The following ZNF653 variants were observed in gnomAD, a reference collection of about 807,000 sequenced individuals.
ZNF653 encodes 67 kDa zinc finger protein.
In ZNF653, 37 loss-of-function variants were observed where a neutral mutation model predicts 59.9. The ratio of observed to expected loss-of-function variants is 0.62; its 90% CI spans 0.48 to 0.81. The LOEUF (loss-of-function observed/expected upper bound fraction) is 0.81. ZNF653 is among the 40% of genes least tolerant of loss of function. The pLI, the probability that ZNF653 is intolerant of heterozygous loss-of-function variation, is 0.00. For missense variants in ZNF653, 808 were observed against 881.1 expected (o/e 0.92, Z 1.05); for synonymous variants, 435 against 371.8 (o/e 1.17, Z -1.96).
In ZNF653 at chr19:11,495,285, C is replaced by T. The variant is rs567295242; in HGVS notation, c.559+665G>A. 6.6e-6 allele frequency among the ~76,000 whole-genome samples: 1 copy of T among 151,986 alleles called. No homozygotes were observed. The highest frequency in any genetic ancestry group is 2.4e-5 in the African/African-American group (1 of 41,432). ...CCCCGTGGGATGGGAAGGAGAGAGG[C>T]AGGGACCGCGAAGGTGGGGAGGGAG... On this transcript the variant is annotated intron_variant, in intron 3 of 8. Transcript: ENST00000293771. This position sits in a 1 kb window ranked among gnomAD's most constrained non-coding sequence, Gnocchi z 4.9.
At chr19:11,505,358 CG>C in intron 1 of ZNF653, 129 bp downstream of exon 1, 1 of 997,116 alleles carries the variant, frequency 1.0e-6, no homozygotes, top group Non-Finnish European at 1.4e-6. Flanking sequence ...AGACCCAGGC[CG>C]CCGGCCCGGC....
At chr19:11,493,593 A>C (rs1043301700) in intron 3 of ZNF653, among the ~76,000 whole-genome samples, 8 of 152,204 alleles carry the variant, frequency 5.3e-5, no homozygotes, top group African/African-American at 1.9e-4. Context: ...CTCTGGCACC[A>C]TCCAGAAGGA....
At position 11,498,286 on chromosome 19, in the gene ZNF653, C is replaced by T. The variant is rs1415934211; in HGVS notation, c.343+10G>A. On this transcript the variant is annotated intron_variant, in intron 2 of 8. Transcript: ENST00000293771. The stretch of plus-strand genomic sequence containing the variant: ...TCTCCCCACCTCCCCCAGGCTGAGC[C>T]TCCACTTACTTTTCTTCCGCTTTGG... The T allele has an allele frequency of 1.2e-6, 2 of 1,614,022 alleles. No individual in the cohort carries two copies. The highest frequency in any genetic ancestry group is 2.2e-5 in the South Asian group (2 of 91,082).
Position 11,486,770 on chromosome 19 carries a change from T to G in ZNF653, c.1454A>C (p.Gln485Pro). 6.2e-7 allele frequency: 1 copy of G among 1,602,824 alleles called. No homozygotes were observed. The highest frequency in any genetic ancestry group is 8.5e-7 in the Non-Finnish European group (1 of 1,174,954). ...SQVYVALSSF[Q>P]NHVNLVHRKG... ...GGCTGCTCCGGGTGGCGGCCTCACC[T>G]GGAAGCTGCTGAGGGCCACGTAGAC... The change falls in exon 6 of 9, where the codon CAG becomes CCG. Residue 485 changes from glutamine (Q) to proline (P), a missense_variant and splice_region_variant. Gln to Pro is a moderately conservative substitution (Grantham distance 76). Coordinates refer to ENST00000293771, the MANE Select transcript of ZNF653 (RefSeq NM_138783.4).
intron 3 of ZNF653, among the ~76,000 whole-genome samples, chr19:11,491,472 G>A (rs1017042999): frequency 3.3e-5 from 5 of 152,164 alleles, no homozygotes; most frequent in South Asian, 2.1e-4. Context: ...GCTGGAGTGC[G>A]TCTGTTTCAG....
chr19:11,491,509 G>A (rs1446312456), intron 3 of ZNF653, among the ~76,000 whole-genome samples: 1 of 152,102 alleles, frequency 6.6e-6, no homozygotes, highest in African/African-American at 2.4e-5. Context: ...TCCTGTCCTC[G>A]CCTCCTCTCC....
chr19:11,505,527 A>ACC lies in ZNF653; in HGVS notation c.259_260insGG (p.Leu87ArgfsTer35). ...CCGCTGGCCGCGCTCCAGAGAGATGAGGTAGGCGGCGAGCTTGGCGTCGCT... is the reference window on the plus strand; with the variant it reads ...CCGCTGGCCGCGCTCCAGAGAGATGACCGGTAGGCGGCGAGCTTGGCGTCGCT... On this transcript the variant is annotated frameshift_variant, in exon 1 of 9. Transcript: ENST00000293771. LOFTEE classifies it high-confidence loss of function. 6.6e-7 allele frequency: 1 copy of ACC among 1,514,590 alleles called. No individual in the cohort carries two copies. Among genetic ancestry groups the ACC allele is most frequent in the Non-Finnish European group, 8.7e-7 (1 of 1,143,478 alleles). 93.8% of individuals were successfully genotyped at this position (1,514,590 alleles called of 1,614,324 possible).
At position 11,505,674 on chromosome 19, in the gene ZNF653, C is replaced by G. The variant is rs966210990; in HGVS notation, c.113G>C (p.Arg38Pro). 1.5e-5 allele frequency: 23 copies of G among 1,492,442 alleles called. No homozygotes were observed. The highest frequency in any genetic ancestry group is 1.9e-5 in the Non-Finnish European group (22 of 1,129,038). The allele number at this position is 1,492,442 out of a possible 1,614,324, so 92.4% of individuals were successfully genotyped here. ...AAGRKARGRP[R>P]LTESDRARRR... ...CCGGGCCCGGTCCGACTCCGTGAGT[C>G]GCGGCCGGCCCCGCGCCTTTCGGCC... Residue 38 changes from arginine (R) to proline (P), a missense_variant, in exon 1 of 9, where the codon CGA becomes CCA. Coordinates refer to ENST00000293771, the MANE Select transcript of ZNF653 (RefSeq NM_138783.4).
chr19:11,483,638 G>A lies in ZNF653; in HGVS notation c.*44C>T. On this transcript the variant is annotated 3_prime_UTR_variant, in exon 9 of 9. Transcript: ENST00000293771. ...AGGCCCCGGCAAGCCCGGGCGTGGT[G>A]TCCGAGCGGACGAATAAATAGGGGC... 1 of 1,593,720 alleles carries A rather than the reference G, an allele frequency of 6.3e-7. No individual in the cohort carries two copies. Among genetic ancestry groups the A allele is most frequent in the African/African-American group, 1.3e-5 (1 of 74,610 alleles).
intron 3 of ZNF653, among the ~76,000 whole-genome samples, chr19:11,492,346 ATT>A (rs1399409189): frequency 1.2e-4 from 18 of 152,010 alleles, no homozygotes; most frequent in Admixed American, 1.1e-3. Context: ...CCCAGCCTGT[ATT>A]TTAATTAATT....
intron 6 of ZNF653, 51 bp downstream of exon 6, chr19:11,486,718 T>C (rs772248737): frequency 6.9e-6 from 10 of 1,459,110 alleles, no homozygotes; most frequent in African/African-American, 1.4e-5. Context: ...GGTGGTGCCA[T>C]GGCCTGGGCC....
chr19:11,486,712 G>C (rs1971468994), intron 6 of ZNF653, 57 bp downstream of exon 6: 1 of 1,407,212 alleles, frequency 7.1e-7, no homozygotes, highest in African/African-American at 1.4e-5. Flanking sequence ...CATCCTGGTG[G>C]TGCCATGGCC....
At chr19:11,489,483 G>A (rs1224289930) in intron 3 of ZNF653, among the ~76,000 whole-genome samples, 1 of 152,164 alleles carries the variant, frequency 6.6e-6, no homozygotes, top group Non-Finnish European at 1.5e-5. Context: ...ACAGACATGA[G>A]GCACCTCGTG....
chr19:11,484,244 T>G, intron 7 of ZNF653, 103 bp from the exon 8 acceptor site: 1 of 953,554 alleles, frequency 1.0e-6, no homozygotes, highest in African/African-American at 1.6e-5. Flanking sequence ...TCTCCTTGGA[T>G]CTCCCAGGAC....
chr19:11,485,851 GA>G (rs1971460389), intron 6 of ZNF653, 81 bp from the exon 7 acceptor site: 1 of 1,136,906 alleles, frequency 8.8e-7, no homozygotes, highest in Non-Finnish European at 1.3e-6. Context: ...AGGGCAGCTG[GA>G]AGGCAGGCTG....
chr19:11,491,876 C>T (rs1302194675), intron 3 of ZNF653, among the ~76,000 whole-genome samples: 2 of 152,056 alleles, frequency 1.3e-5, no homozygotes, highest in East Asian at 1.9e-4. Flanking sequence ...CGCACCCGGC[C>T]GGCTTGAATC....
chr19:11,496,582 A>T (rs1454296776), intron 2 of ZNF653, among the ~76,000 whole-genome samples: 1 of 151,084 alleles, frequency 6.6e-6, no homozygotes, highest in African/African-American at 2.5e-5. Flanking sequence ...CTCAGAATCC[A>T]CTGGGCCAGG....
At chr19:11,494,389 C>T (rs926088121) in intron 3 of ZNF653, among the ~76,000 whole-genome samples, 1 of 146,492 alleles carries the variant, frequency 6.8e-6, no homozygotes, top group African/African-American at 2.6e-5. Context: ...TAAAACATAA[C>T]ATAACATAAC....
chr19:11,504,518 C>T lies in ZNF653; in HGVS notation c.299+970G>A, dbSNP rs1057268278. 5.1e-6 allele frequency: 5 copies of T among 985,406 alleles called. No homozygotes were observed. In the African/African-American group the frequency reaches 8.7e-5, roughly 17 times the overall value. The allele number at this position is 985,406 out of a possible 1,614,324, so 61.0% of individuals were successfully genotyped here. On this transcript the variant is annotated intron_variant, in intron 1 of 8. Transcript: ENST00000293771. ...GAGGCAGGTATCTTTGCGCTCCCAGCATTTCCAGTCCTGCTCTTGAGCATA... is the reference window on the plus strand; with the variant it reads ...GAGGCAGGTATCTTTGCGCTCCCAGTATTTCCAGTCCTGCTCTTGAGCATA...
Sources: gnomAD v4.1 joint callset for allele counts (sites outside exome capture counted in the v4.1 genomes callset) on GRCh38, gnomAD v4.1.1 for gene constraint, Gnocchi (gnomAD v3.1) non-coding constraint, MANE v1.5 for transcripts, NCBI Gene and HGNC (gene_info 2026-07-23, HGNC 2026-07-21) for gene names.